SLC15A1: variants seen among roughly 807,000 people sequenced by gnomAD.
SLC15A1 encodes Caco-2 oligopeptide transporter.
SLC15A1 carries 83 observed loss-of-function variants against 92.9 expected under a neutral mutation model. The ratio of observed to expected loss-of-function variants is 0.89; its 90% CI spans 0.75 to 1.07. SLC15A1 has a LOEUF of 1.07. Ranked by LOEUF, SLC15A1 falls within the 50% of genes least tolerant of loss-of-function variation. The pLI is 0.00. For missense variants in SLC15A1, 857 were observed against 880.1 expected, an observed-to-expected ratio of 0.97 and a Z score of 0.33; for synonymous variants, 322 against 318.2, an observed-to-expected ratio of 1.01 and a Z score of -0.13.
chr13:98,747,805 C>G (rs1307243255), intron 1 of SLC15A1, among the ~76,000 whole-genome samples: 1 of 152,154 alleles, frequency 6.6e-6, no homozygotes, highest in African/African-American at 2.4e-5. Flanking sequence ...TGCTTGAACT[C>G]AGGAGGCAGA....
At chr13:98,698,021 T>C (rs1289727408) in intron 18 of SLC15A1, among the ~76,000 whole-genome samples, 1 of 152,148 alleles carries the variant, frequency 6.6e-6, no homozygotes, top group Non-Finnish European at 1.5e-5. Flanking sequence ...TAAAGGCTTA[T>C]GTTTTTGTTA....
intron 1 of SLC15A1, among the ~76,000 whole-genome samples, chr13:98,733,552 C>G (rs1358656580): frequency 2.0e-5 from 3 of 152,154 alleles, no homozygotes; most frequent in Admixed American, 1.3e-4. Flanking sequence ...GTAAAGTAGA[C>G]AAAGTTGGTC....
chr13:98,708,829 C>G lies in SLC15A1; in HGVS notation c.1068-62G>C. ...TCACATAGATGAGCTAAGCTAAACCCCCACCCCCACCATCCCCCCAACAAA... is the reference window on the plus strand; with the variant it reads ...TCACATAGATGAGCTAAGCTAAACCGCCACCCCCACCATCCCCCCAACAAA... On this transcript the variant is annotated intron_variant, in intron 14 of 22. Coordinates refer to ENST00000376503, the MANE Select transcript of SLC15A1 (RefSeq NM_005073.4). 2.4e-6 allele frequency: 3 copies of G among 1,250,810 alleles called. No homozygotes were observed. The South Asian group carries it at 4.6e-5, about 19-fold the overall frequency. The allele number at this position is 1,250,810 out of a possible 1,614,324, so 77.5% of individuals were successfully genotyped here.
intron 1 of SLC15A1, among the ~76,000 whole-genome samples, chr13:98,732,992 C>T (rs955216891): frequency 6.6e-6 from 1 of 152,066 alleles, no homozygotes; most frequent in African/African-American, 2.4e-5. Context: ...CTTAGATTAT[C>T]CAGACAGACC....
chr13:98,737,244 C>T (rs867705966), intron 1 of SLC15A1, among the ~76,000 whole-genome samples: 4 of 152,160 alleles, frequency 2.6e-5, no homozygotes, highest in African/African-American at 9.7e-5. Context: ...GTCGCAAGGA[C>T]AGAAAACCAA....
intron 7 of SLC15A1, among the ~76,000 whole-genome samples, chr13:98,720,353 C>T (rs187411445): frequency 4.6e-5 from 7 of 152,134 alleles, no homozygotes; most frequent in African/African-American, 1.4e-4. Flanking sequence ...ATAATTTAAA[C>T]ATGCACCCTC....
At chr13:98,721,997 T>C in intron 5 of SLC15A1, 94 bp from the exon 6 acceptor site, 1 of 960,144 alleles carries the variant, frequency 1.0e-6, no homozygotes, top group Non-Finnish European at 1.6e-6. Flanking sequence ...CCTGGCATAG[T>C]GACACACATA....
intron 1 of SLC15A1, among the ~76,000 whole-genome samples, chr13:98,731,219 C>T (rs2088348110): frequency 6.6e-6 from 1 of 152,206 alleles, no homozygotes; most frequent in African/African-American, 2.4e-5. Context: ...TGAGCATGGC[C>T]TCTGTGTCCT....
intron 1 of SLC15A1, among the ~76,000 whole-genome samples, chr13:98,747,690 G>A (rs543458001): frequency 3.6e-4 from 55 of 152,256 alleles, no homozygotes; most frequent in African/African-American, 1.2e-3. Flanking sequence ...AGACCATCCT[G>A]GCCAACGTGG....
intron 1 of SLC15A1, among the ~76,000 whole-genome samples, chr13:98,752,027 C>G (rs2088550157): frequency 6.6e-6 from 1 of 152,222 alleles, no homozygotes; most frequent in South Asian, 2.1e-4. Flanking sequence ...TTTGCTGACG[C>G]TCCAGCCCCA....
chr13:98,744,233 T>G (rs1594011993), intron 1 of SLC15A1, among the ~76,000 whole-genome samples: 1 of 121,318 alleles, frequency 8.2e-6, no homozygotes, highest in South Asian at 3.0e-4. Context: ...AGAGTGAGAC[T>G]CTGTCTCAAA....
At chr13:98,710,293 T>C (rs1315423939) in intron 11 of SLC15A1, among the ~76,000 whole-genome samples, 2 of 152,186 alleles carry the variant, frequency 1.3e-5, no homozygotes, top group African/African-American at 4.8e-5. Context: ...CATCCAAGAT[T>C]CACAAATATT....
At chr13:98,691,483 G>A (rs964820351) in intron 18 of SLC15A1, among the ~76,000 whole-genome samples, 3 of 152,198 alleles carry the variant, frequency 2.0e-5, no homozygotes, top group African/African-American at 7.2e-5. Context: ...GTGTGGACAT[G>A]TTTTCATCTC....
intron 8 of SLC15A1, 117 bp downstream of exon 8, chr13:98,719,120 C>A (rs2088234061): frequency 2.9e-6 from 2 of 689,694 alleles, no homozygotes; most frequent in South Asian, 1.8e-5. Context: ...GATGCCAATT[C>A]TTCTCACTAC....
intron 1 of SLC15A1, among the ~76,000 whole-genome samples, chr13:98,745,674 A>G (rs1312738998): frequency 2.0e-5 from 3 of 152,072 alleles, no homozygotes; most frequent in Non-Finnish European, 4.4e-5. Context: ...TCACCCCCAG[A>G]GCCTTCGGAG....
At chr13:98,691,811 C>A (rs576263714) in intron 18 of SLC15A1, among the ~76,000 whole-genome samples, 1 of 152,124 alleles carries the variant, frequency 6.6e-6, no homozygotes, top group African/African-American at 2.4e-5. Context: ...CGGTGGCTCA[C>A]GCTTGTAATC....
At chr13:98,704,774 A>G (rs1306874309) in intron 16 of SLC15A1, among the ~76,000 whole-genome samples, 1 of 152,218 alleles carries the variant, frequency 6.6e-6, no homozygotes, top group Non-Finnish European at 1.5e-5. Context: ...GTAAAAATCA[A>G]TACTGGGCTG....
At chr13:98,686,946 CTTCT>C (rs1215244572) in intron 21 of SLC15A1, among the ~76,000 whole-genome samples, 4 of 123,036 alleles carry the variant, frequency 3.3e-5, no homozygotes, top group African/African-American at 1.3e-4. Context: ...TTTTCTTTTT[CTTCT>C]TTTTTTTTTT....
chr13:98,686,044 G>A, intron 22 of SLC15A1, 146 bp downstream of exon 22: 1 of 621,328 alleles, frequency 1.6e-6, no homozygotes, highest in Non-Finnish European at 2.9e-6. Context: ...AAGGCTATTT[G>A]GGAACAGCCC....
Sources: gnomAD v4.1 joint callset for allele counts (sites outside exome capture counted in the v4.1 genomes callset) on GRCh38, gnomAD v4.1.1 for gene constraint, MANE v1.5 for transcripts, NCBI Gene and HGNC (gene_info 2026-07-23, HGNC 2026-07-21) for gene names.